The following DNER variants were observed in gnomAD, a reference collection of about 807,000 sequenced individuals.
The protein encoded by DNER is delta and Notch-like epidermal growth factor-related receptor.
Under a neutral mutation model 78.2 loss-of-function variants are expected in DNER, and 33 were observed. The ratio of observed to expected loss-of-function variants is 0.42; its 90% CI spans 0.32 to 0.56. The LOEUF (loss-of-function observed/expected upper bound fraction) is 0.56, where lower values mean the gene tolerates loss of function less well. DNER is among the 20% of genes least tolerant of loss of function. The probability of loss-of-function intolerance (pLI) is 0.11; values close to 1 mark genes in which losing one functional copy is unlikely to be tolerated. For synonymous variants in DNER, 417 were observed against 384.8 expected (o/e 1.08, Z -0.98); for missense variants, 918 against 975.3 (o/e 0.94, Z 0.78).
intron 9 of DNER, among the ~76,000 whole-genome samples, chr2:229,415,265 A>G (rs980765742): frequency 6.6e-6 from 1 of 152,306 alleles, no homozygotes; most frequent in African/African-American, 2.4e-5. Flanking sequence ...CAAATCCTAC[A>G]GCCACGAGGA....
At chr2:229,714,038 G>A in intron 1 of DNER, 110 bp downstream of exon 1, 2 of 1,090,514 alleles carry the variant, frequency 1.8e-6, no homozygotes, top group East Asian at 3.3e-5. Flanking sequence ...CCCAAAGTGG[G>A]AAAGCCTGTG....
Position 229,447,494 on chromosome 2 carries a change from C to A in DNER, c.1308G>T (p.Ser436=). The change falls in exon 8 of 13, where the codon TCG becomes TCT. Residue 436 remains serine (S), a synonymous_variant. Transcript: ENST00000341772. ...AGGTGCCGTTGTTCTGGCACGGAGA[C>A]GAGGCGCAGGGGTCCACCTTTTCTT... The part of the protein sequence containing the change: ...ACEEKVDPCA[S]SPCQNNGTCY... 1 of 1,614,134 alleles carries A rather than the reference C, an allele frequency of 6.2e-7. No homozygotes were observed. The highest frequency in any genetic ancestry group is 8.5e-7 in the Non-Finnish European group (1 of 1,180,020).
At chr2:229,515,254 A>G (rs577726691) in intron 5 of DNER, among the ~76,000 whole-genome samples, 1 of 152,210 alleles carries the variant, frequency 6.6e-6, no homozygotes, top group African/African-American at 2.4e-5. Context: ...CTTTTTTTAG[A>G]ACTGTCTTCT....
intron 7 of DNER, among the ~76,000 whole-genome samples, chr2:229,451,360 G>A (rs2106363848): frequency 6.6e-6 from 1 of 152,308 alleles, no homozygotes; most frequent in African/African-American, 2.4e-5. Flanking sequence ...GGGAGGCTGA[G>A]GCAGGAGAAT....
chr2:229,486,451 C>A (rs1333554905), intron 6 of DNER, among the ~76,000 whole-genome samples: 1 of 151,624 alleles, frequency 6.6e-6, no homozygotes, highest in Non-Finnish European at 1.5e-5. Context: ...CCACATCTAA[C>A]AAGTAAATAG....
chr2:229,611,598 T>A (rs1240876288), intron 1 of DNER, among the ~76,000 whole-genome samples: 1 of 152,210 alleles, frequency 6.6e-6, no homozygotes, highest in East Asian at 1.9e-4. Context: ...GCAAATTGAT[T>A]GAAATCAACT....
chr2:229,358,739 G>A (rs1392974244), intron 12 of DNER, 88 bp from the exon 13 acceptor site: 1 of 1,051,826 alleles, frequency 9.5e-7, no homozygotes, highest in Non-Finnish European at 1.4e-6. Flanking sequence ...TTATATGCAT[G>A]AATTAAATGA....
At chr2:229,603,300 AAT>A (rs201997641) in intron 1 of DNER, among the ~76,000 whole-genome samples, 4,653 of 152,282 alleles carry the variant, frequency 0.031, 212 homozygotes, top group African/African-American at 0.096. Flanking sequence ...TAACTATAAG[AAT>A]ATTAATATTA....
At chr2:229,512,660 A>C (rs1574878316) in intron 6 of DNER, 123 bp downstream of exon 6, 2 of 1,364,416 alleles carry the variant, frequency 1.5e-6, no homozygotes, top group East Asian at 4.7e-5. Flanking sequence ...ACAAATCACC[A>C]AAAAGAACTT....
intron 7 of DNER, among the ~76,000 whole-genome samples, chr2:229,473,971 T>C (rs1694981659): frequency 6.6e-6 from 1 of 152,130 alleles, no homozygotes; most frequent in Admixed American, 6.5e-5. Context: ...AGTGGCACAA[T>C]CTCGGTTCAC....
chr2:229,571,741 C>A (rs745976784), intron 4 of DNER, among the ~76,000 whole-genome samples: 8 of 152,150 alleles, frequency 5.3e-5, no homozygotes, highest in Admixed American at 2.0e-4. Context: ...ACCTCCCCCC[C>A]TGAAACCGTG....
At chr2:229,482,796 A>G (rs1695193648) in intron 6 of DNER, among the ~76,000 whole-genome samples, 1 of 152,216 alleles carries the variant, frequency 6.6e-6, no homozygotes, top group Non-Finnish European at 1.5e-5. Flanking sequence ...TCATTTGTAA[A>G]ATCAGGAAAT....
intron 6 of DNER, among the ~76,000 whole-genome samples, chr2:229,504,227 T>C (rs1695687529): frequency 6.6e-6 from 1 of 152,136 alleles, no homozygotes; most frequent in Non-Finnish European, 1.5e-5. Flanking sequence ...TTTATTTACT[T>C]ACTTATTTTT....
At chr2:229,641,481 T>C (rs1698622989) in intron 1 of DNER, among the ~76,000 whole-genome samples, 1 of 152,040 alleles carries the variant, frequency 6.6e-6, no homozygotes, top group Admixed American at 6.5e-5. Context: ...AGTTTCAAGT[T>C]ATATTGGGAA....
intron 1 of DNER, among the ~76,000 whole-genome samples, chr2:229,679,175 C>T (rs1013187779): frequency 6.6e-6 from 1 of 152,006 alleles, no homozygotes. Context: ...CTCAGACCTG[C>T]CTGAAGTTTA....
chr2:229,579,915 G>A (rs556654743), intron 4 of DNER, among the ~76,000 whole-genome samples: 104 of 151,922 alleles, frequency 6.8e-4, no homozygotes, highest in African/African-American at 2.4e-3. Flanking sequence ...AAAATCCTGG[G>A]GACTGTGAAG....
chr2:229,637,297 T>G (rs1698546099), intron 1 of DNER, among the ~76,000 whole-genome samples: 1 of 152,232 alleles, frequency 6.6e-6, no homozygotes, highest in Non-Finnish European at 1.5e-5. Context: ...ATTCATTCCA[T>G]TTTGTTTGAC....
intron 1 of DNER, among the ~76,000 whole-genome samples, chr2:229,683,620 A>G (rs765972345): frequency 6.6e-6 from 1 of 152,172 alleles, no homozygotes; most frequent in Admixed American, 6.5e-5. Flanking sequence ...GATGATGACA[A>G]TGATGATGGT....
chr2:229,369,052 C>G (rs1464466363), intron 11 of DNER, among the ~76,000 whole-genome samples: 3 of 152,150 alleles, frequency 2.0e-5, no homozygotes. Flanking sequence ...TGCTTTCAAT[C>G]CAGCTCCTAC....
Sources: allele counts gnomAD v4.1 joint callset (sites outside exome capture counted in the v4.1 genomes callset), GRCh38; gene constraint gnomAD v4.1.1; transcripts MANE v1.5; gene names NCBI Gene and HGNC (gene_info 2026-07-23, HGNC 2026-07-21).